The following CYP2E1 variants were observed in gnomAD, a reference collection of about 807,000 sequenced individuals.
CYP2E1 encodes the protein cytochrome P450 family 2 subfamily E member 1.
CYP2E1 carries 31 observed loss-of-function variants against 42.9 expected under a neutral mutation model. That is an observed-to-expected ratio of 0.72 (90% CI 0.54 to 0.98). The LOEUF is 0.98. Ranked by LOEUF, CYP2E1 falls within the 50% of genes least tolerant of loss-of-function variation. The pLI, the probability that CYP2E1 is intolerant of heterozygous loss-of-function variation, is 0.00. For synonymous variants in CYP2E1, 244 were observed against 248.9 expected (o/e 0.98, Z 0.19); for missense variants, 565 against 633.2 (o/e 0.89, Z 1.16).
chr10:133,535,083 T>C (rs1851381742), intron 6 of CYP2E1, among the ~76,000 whole-genome samples: 1 of 152,004 alleles, frequency 6.6e-6, no homozygotes, highest in South Asian at 2.1e-4. Flanking sequence ...ATACCTGTAA[T>C]CCTGGCACTT....
chr10:133,535,191 G>A (rs1463682523), intron 6 of CYP2E1, among the ~76,000 whole-genome samples: 1 of 152,040 alleles, frequency 6.6e-6, no homozygotes, highest in Non-Finnish European at 1.5e-5. Context: ...AAAAGTAGCC[G>A]GGTGTGGTGG....
Position 133,532,273 on chromosome 10 carries a change from C to T in CYP2E1, c.637C>T (p.Pro213Ser), listed in dbSNP as rs577159401. 64 of 1,612,206 alleles carry T rather than the reference C, an allele frequency of 4.0e-5. No homozygotes were observed. In the Middle Eastern group the frequency reaches 8.3e-4, roughly 21 times the overall value. The part of the protein sequence containing the change: ...FNENFHLLST[P>S]WLQLYNNFPS... The stretch of plus-strand genomic sequence containing the variant: ...TGAGAACTTCCACCTACTCAGCACT[C>T]CCTGGCTCCAGGTGAAGCCACTTTC... The change falls in exon 4 of 9, where the codon CCC (proline) becomes TCC (serine). Residue 213 changes from proline to serine, a missense_variant. By Grantham distance (74) the Pro-to-Ser change is moderately conservative. Transcript: ENST00000252945.
rs1851348146 is a variant in CYP2E1, at chr10:133,532,271, C to T, written c.635C>T (p.Thr212Ile). The T allele has an allele frequency of 1.2e-6, 2 of 1,612,288 alleles. No homozygotes were observed. The highest frequency in any genetic ancestry group is 2.2e-5 in the East Asian group (1 of 44,822). ...AATGAGAACTTCCACCTACTCAGCACTCCCTGGCTCCAGGTGAAGCCACTT... is the reference window on the plus strand; with the variant it reads ...AATGAGAACTTCCACCTACTCAGCATTCCCTGGCTCCAGGTGAAGCCACTT... ...LFNENFHLLS[T>I]PWLQLYNNFP... Residue 212 changes from threonine to isoleucine, a missense_variant, in exon 4 of 9, where the codon ACT becomes ATT. Physicochemically the swap from Thr to Ile is moderately conservative, Grantham distance 89. Coordinates refer to ENST00000252945, the MANE Select transcript of CYP2E1 (RefSeq NM_000773.4).
intron 7 of CYP2E1, chr10:133,537,510 G>A: frequency 1.7e-6 from 1 of 596,802 alleles, no homozygotes; most frequent in Non-Finnish European, 2.9e-6. Context: ...TCTAATGCCA[G>A]GAACAAACTA....
In CYP2E1 at chr10:133,527,543, T is replaced by C. The variant is rs757431552; in HGVS notation, c.148T>C (p.Leu50=). ...PIIGNLFQLE[L]KNIPKSFTRL... ...CATCGGGAACCTCTTCCAGTTGGAA[T>C]TGAAGAATATTCCCAAGTCCTTCAC... Residue 50 remains leucine, a synonymous_variant, in exon 1 of 9, where the codon TTG becomes CTG. Coordinates refer to ENST00000252945, the MANE Select transcript of CYP2E1 (RefSeq NM_000773.4). 6.2e-6 allele frequency: 10 copies of C among 1,612,898 alleles called. No individual in the cohort carries two copies. Among genetic ancestry groups the C allele is most frequent in the East Asian group, 2.2e-5 (1 of 44,870 alleles).
chr10:133,528,693 A>G (rs894638010), intron 2 of CYP2E1, 53 bp downstream of exon 2: 1 of 1,597,856 alleles, frequency 6.3e-7, no homozygotes, highest in Admixed American at 1.7e-5. Flanking sequence ...GCCCCGGGAC[A>G]GTTACGGGCG....
In CYP2E1 at chr10:133,537,628, C is replaced by G. The variant is rs1851421342; in HGVS notation, c.1156-123C>G. The G allele has an allele frequency of 4.7e-6, 4 of 855,068 alleles. No homozygotes were observed. The East Asian group carries it at 1.0e-4, about 22-fold the overall frequency. 53.0% of individuals were successfully genotyped at this position (855,068 alleles called of 1,614,324 possible). A position where few individuals can be genotyped will look rare whatever the true frequency, so the allele number is the denominator to read the frequency against. ...CTAATCCTTCACTAAGCAACTCCTT[C>G]AACTGGAAATATACTATCCTATATA... On this transcript the variant is annotated intron_variant, in intron 7 of 8. Coordinates refer to ENST00000252945, the MANE Select transcript of CYP2E1 (RefSeq NM_000773.4).
rs747781058 is a variant in CYP2E1, at chr10:133,527,575, A to G, written c.177+3A>G. 3 of 1,606,022 alleles carry G rather than the reference A, an allele frequency of 1.9e-6. No individual in the cohort carries two copies. Among genetic ancestry groups the G allele is most frequent in the Non-Finnish European group, 2.6e-6 (3 of 1,174,120 alleles). The stretch of plus-strand genomic sequence containing the variant: ...ATATTCCCAAGTCCTTCACCCGGGT[A>G]AGAGAAATAGTGTTGATTTTAGGGA... On this transcript the variant is annotated splice_donor_region_variant and intron_variant, in intron 1 of 8. Coordinates refer to ENST00000252945, the MANE Select transcript of CYP2E1 (RefSeq NM_000773.4).
At chr10:133,536,201 A>C (rs1019473785) in intron 6 of CYP2E1, among the ~76,000 whole-genome samples, 2 of 152,222 alleles carry the variant, frequency 1.3e-5, no homozygotes, top group African/African-American at 4.8e-5. Flanking sequence ...TGACATGAAG[A>C]GAACTGAATA....
At chr10:133,527,779 C>T in intron 1 of CYP2E1, among the ~76,000 whole-genome samples, 1 of 152,174 alleles carries the variant, frequency 6.6e-6, no homozygotes, top group Non-Finnish European at 1.5e-5. Flanking sequence ...GCCCCGGAGG[C>T]CCCCGCCGGT....
chr10:133,528,441 CCG>C (rs1851297757), intron 1 of CYP2E1, 38 bp from the exon 2 acceptor site: 2 of 1,606,640 alleles, frequency 1.2e-6, no homozygotes, highest in Admixed American at 3.3e-5. Context: ...CACCTCCTCG[CCG>C]CGCGGCGGGC....
intron 3 of CYP2E1, 130 bp downstream of exon 3, chr10:133,531,864 C>A: frequency 1.0e-6 from 1 of 975,512 alleles, no homozygotes; most frequent in African/African-American, 1.6e-5. Flanking sequence ...CGTGAGTCCC[C>A]AGATACTGCA....
At chr10:133,529,726 G>T (rs1471639079) in intron 2 of CYP2E1, among the ~76,000 whole-genome samples, 1 of 152,258 alleles carries the variant, frequency 6.6e-6, no homozygotes. Flanking sequence ...GCGCGGGCTG[G>T]TGGCGGGCGG....
chr10:133,532,400 C>T (rs576234120), intron 4 of CYP2E1, 116 bp downstream of exon 4: 9 of 1,042,294 alleles, frequency 8.6e-6, no homozygotes, highest in Admixed American at 7.0e-5. Context: ...AACATAGCTT[C>T]GAGGGGTGTT....
chr10:133,532,073 A>T lies in CYP2E1; in HGVS notation c.488-51A>T, dbSNP rs747523205. 1.5e-5 allele frequency: 23 copies of T among 1,566,364 alleles called. 1 individual carries two copies. The South Asian group carries it at 2.5e-4, about 17-fold the overall frequency. ...CCTCAGTGGGTGACTGAGCAGGTGG[A>T]GGAGTCTCCTCACCCCCATCTTCTG... On this transcript the variant is annotated intron_variant, in intron 3 of 8. Coordinates refer to ENST00000252945, the MANE Select transcript of CYP2E1 (RefSeq NM_000773.4).
At chr10:133,531,872 G>A in intron 3 of CYP2E1, 138 bp downstream of exon 3, 1 of 926,942 alleles carries the variant, frequency 1.1e-6, no homozygotes, top group Non-Finnish European at 1.6e-6. Context: ...CCCAGATACT[G>A]CATTTTACAA....
chr10:133,533,930 C>G (rs376187713), intron 6 of CYP2E1, 33 bp downstream of exon 6: 4 of 1,610,970 alleles, frequency 2.5e-6, no homozygotes, highest in East Asian at 2.2e-5. Flanking sequence ...ACCGTGCGTG[C>G]GGCTGCATCT....
chr10:133,528,703 G>C, intron 2 of CYP2E1, 63 bp downstream of exon 2: 3 of 1,582,272 alleles, frequency 1.9e-6, no homozygotes, highest in African/African-American at 1.3e-5. Context: ...AGTTACGGGC[G>C]CTAGCCACGT....
At chr10:133,534,844 T>C (rs1218131669) in intron 6 of CYP2E1, among the ~76,000 whole-genome samples, 1 of 146,960 alleles carries the variant, frequency 6.8e-6, no homozygotes, top group African/African-American at 2.5e-5. Context: ...GTTCTTTCCT[T>C]CTTCTTCTTC....
Sources: gnomAD v4.1 joint callset for allele counts (sites outside exome capture counted in the v4.1 genomes callset) on GRCh38, gnomAD v4.1.1 for gene constraint, MANE v1.5 for transcripts, NCBI Gene and HGNC (gene_info 2026-07-23, HGNC 2026-07-21) for gene names.